The following IL12RB1 variants were observed in gnomAD, a reference collection of about 807,000 sequenced individuals.
IL12RB1 encodes the protein interleukin 12 receptor subunit beta 1.
Under a neutral mutation model 94.4 loss-of-function variants are expected in IL12RB1, and 64 were observed. That is an observed-to-expected ratio of 0.68 (90% confidence interval 0.55 to 0.83). The LOEUF (loss-of-function observed/expected upper bound fraction) is 0.83, where lower values mean the gene tolerates loss of function less well. Ranked by LOEUF, IL12RB1 falls within the 40% of genes least tolerant of loss-of-function variation. The probability of loss-of-function intolerance (pLI) is 0.00; values close to 1 mark genes in which losing one functional copy is unlikely to be tolerated. For synonymous variants in IL12RB1, 362 were observed against 355.5 expected, an observed-to-expected ratio of 1.02 and a Z score of -0.21; for missense variants, 814 against 855.6, an observed-to-expected ratio of 0.95 and a Z score of 0.61.
At chr19:18,091,868 C>CT (rs1264996682), upstream of IL12RB1, among the ~76,000 whole-genome samples, 29,355 of 120,484 alleles carry the variant, frequency 0.24, 3,337 homozygotes, top group African/African-American at 0.31. Flanking sequence ...CCTGGCTTTT[C>CT]TTTTTTTTTT....
rs67262412 is a variant in IL12RB1 at position 18,063,078 on chromosome 19, A to ATTTTTTT, written c.1618+791_1618+797dup. 2.1e-3 allele frequency among the ~76,000 whole-genome samples: 107 copies of ATTTTTTT among 51,472 alleles called. 10 individuals are homozygous for ATTTTTTT. Among genetic ancestry groups the ATTTTTTT allele is most frequent in the Admixed American group, 3.0e-3 (9 of 3,048 alleles). 33.8% of individuals were successfully genotyped at this position (51,472 alleles called of 152,430 possible). ...TCTTTCTTCTCCTTCTTCTTCTTCT[A>ATTTTTTT]TTTTTTTTTTTTTTTTTTTTTTTTT... On this transcript the variant is annotated intron_variant, in intron 13 of 16. Transcript: ENST00000593993.
intron 1 of IL12RB1, among the ~76,000 whole-genome samples, chr19:18,095,872 G>A (rs1240240479): frequency 3.3e-5 from 5 of 152,204 alleles, no homozygotes; most frequent in Admixed American, 3.3e-4. Context: ...ACTGTACAGT[G>A]GGGCAGCCGA....
chr19:18,090,139 T>C (rs527538590), upstream of IL12RB1, among the ~76,000 whole-genome samples: 16 of 152,314 alleles, frequency 1.1e-4, no homozygotes, highest in Admixed American at 3.3e-4. Flanking sequence ...GGCAGGAGGA[T>C]TGCTGTAGGC....
In IL12RB1 at chr19:18,068,390, A is replaced by G. The variant is rs190491500; in HGVS notation, c.1326T>C (p.Asn442=). The G allele has an allele frequency of 1.2e-5, 19 of 1,609,710 alleles. No individual in the cohort carries two copies. The African/African-American group carries it at 1.5e-4, about 12-fold the overall frequency. Residue 442 remains asparagine (N), a splice_region_variant and synonymous_variant, in exon 11 of 17, where the codon AAT becomes AAC. Coordinates refer to ENST00000593993, the MANE Select transcript of IL12RB1 (RefSeq NM_005535.3). ...TVLSTYHFGG[N]ASAAGTPHHV... ...AACCTGCAGGTTTGGGTCACTTACC[A>G]TTGCCCCCAAAGTGGTAGGTGGACA...
chr19:18,078,721 G>A (rs1314142058), intron 4 of IL12RB1, among the ~76,000 whole-genome samples: 3 of 151,974 alleles, frequency 2.0e-5, no homozygotes, highest in East Asian at 1.9e-4. Flanking sequence ...CAGGGAAATC[G>A]TACTTAGTTT....
At chr19:18,090,001 G>A (rs563358455), upstream of IL12RB1, among the ~76,000 whole-genome samples, 92 of 152,352 alleles carry the variant, frequency 6.0e-4, no homozygotes, top group African/African-American at 2.1e-3. Context: ...GGTCAGCTGG[G>A]GGATGGATGT....
intron 2 of IL12RB1, among the ~76,000 whole-genome samples, chr19:18,082,798 C>T (rs897072663): frequency 2.0e-5 from 3 of 152,100 alleles, no homozygotes; most frequent in African/African-American, 7.2e-5. Flanking sequence ...ACAATATGGC[C>T]GGGCACGGTG....
intron 1 of IL12RB1, among the ~76,000 whole-genome samples, chr19:18,092,445 G>A (rs186787234): frequency 1.3e-4 from 20 of 151,784 alleles, no homozygotes; most frequent in Admixed American, 8.5e-4. Flanking sequence ...AGCCAAGATC[G>A]TGCCATTGCA....
rs373545812 is a variant in IL12RB1 at position 18,080,980 on chromosome 19, G to A, written c.261C>T (p.Cys87=). 3.2e-4 allele frequency: 519 copies of A among 1,613,070 alleles called. 2 individuals carry two copies. The highest frequency in any genetic ancestry group is 3.8e-4 in the Non-Finnish European group (444 of 1,179,874). Residue 87 remains cysteine, a synonymous_variant, in exon 4 of 17, where the codon TGC becomes TGT. Transcript: ENST00000593993. ...TGGTGGCTGAGCCGGCGGCGAAGTA[G>A]CAGCAGCGCCCGGAGCTAAGGCTGC... ...LRCCLSSGRC[C]YFAAGSATRL...
chr19:18,080,809 C>G (rs17879764), intron 4 of IL12RB1, 23 bp downstream of exon 4: 2 of 1,552,706 alleles, frequency 1.3e-6, no homozygotes, highest in Non-Finnish European at 1.8e-6. Context: ...AAAAAACGGA[C>G]GGGGGGAGAA....
chr19:18,089,949 C>A (rs1471115610), upstream of IL12RB1, among the ~76,000 whole-genome samples: 1 of 152,206 alleles, frequency 6.6e-6, no homozygotes, highest in Non-Finnish European at 1.5e-5. Flanking sequence ...GCCCTGTGAC[C>A]CCATACAGGA....
intron 8 of IL12RB1, among the ~76,000 whole-genome samples, chr19:18,072,804 C>T (rs531211697): frequency 9.9e-5 from 15 of 151,666 alleles, no homozygotes; most frequent in South Asian, 4.2e-4. Flanking sequence ...AAAATTAGCC[C>T]GGCATGGTGG....
In IL12RB1 at chr19:18,086,826, G is replaced by A. The variant is rs538298601; in HGVS notation, c.-3C>T. On this transcript the variant is annotated 5_prime_UTR_variant, in exon 1 of 17. Transcript: ENST00000593993. ...ACCCAGGTCACCAGCGGCTCCATCG[G>A]ATCCACGTAGAGCCCCACAGCCCCA... 1.2e-6 allele frequency: 2 copies of A among 1,609,440 alleles called. No individual in the cohort carries two copies. The highest frequency in any genetic ancestry group is 1.1e-5 in the South Asian group (1 of 90,442).
intron 8 of IL12RB1, among the ~76,000 whole-genome samples, chr19:18,072,874 G>T (rs1462957299): frequency 6.6e-6 from 1 of 150,650 alleles, no homozygotes; most frequent in Non-Finnish European, 1.5e-5. Flanking sequence ...GTGAACCCGG[G>T]AGGCGGAGCT....
chr19:18,083,995 CCA>C (rs1292259408), intron 1 of IL12RB1, among the ~76,000 whole-genome samples: 65 of 149,978 alleles, frequency 4.3e-4, no homozygotes, highest in African/African-American at 1.4e-3. Flanking sequence ...ATTCATCCAT[CCA>C]TGCACCCATC....
intron 4 of IL12RB1, among the ~76,000 whole-genome samples, chr19:18,078,791 T>C (rs987794044): frequency 6.6e-6 from 1 of 152,150 alleles, no homozygotes; most frequent in Admixed American, 6.6e-5. Flanking sequence ...AAAATAGTCT[T>C]GCTGCACCGT....
chr19:18,060,178 C>G, intron 15 of IL12RB1, 93 bp from the exon 16 acceptor site: 1 of 687,070 alleles, frequency 1.5e-6, no homozygotes, highest in Non-Finnish European at 2.6e-6. Context: ...TGGTTAAATT[C>G]TCTAACATCC....
At chr19:18,061,007 G>C (rs2034082762) in intron 15 of IL12RB1, 115 bp downstream of exon 15, 1 of 709,146 alleles carries the variant, frequency 1.4e-6, no homozygotes, top group African/African-American at 1.8e-5. Flanking sequence ...ATGGAGCACT[G>C]GTTTTGGAGT....
At chr19:18,064,254 C>G (rs2146130118) in intron 12 of IL12RB1, among the ~76,000 whole-genome samples, 1 of 150,232 alleles carries the variant, frequency 6.7e-6, no homozygotes, top group South Asian at 2.1e-4. Flanking sequence ...ATTCTCCTGC[C>G]TCAGCCTCCC....
Sources: gnomAD v4.1 joint callset for allele counts (sites outside exome capture counted in the v4.1 genomes callset) on GRCh38, gnomAD v4.1.1 for gene constraint, MANE v1.5 for transcripts, NCBI Gene and HGNC (gene_info 2026-07-23, HGNC 2026-07-21) for gene names.